SYCP2: variants seen among roughly 807,000 people sequenced by gnomAD.
The protein encoded by SYCP2 is synaptonemal complex protein 2.
SYCP2 carries 55 observed loss-of-function variants against 211.3 expected under a neutral mutation model. That is an observed-to-expected ratio of 0.26 (90% confidence interval 0.21 to 0.33). The LOEUF is 0.33. SYCP2 is among the 10% of genes least tolerant of loss of function. The pLI is 1.00. For synonymous variants in SYCP2, 570 were observed against 555.2 expected, an observed-to-expected ratio of 1.03 and a Z score of -0.37; for missense variants, 1,731 against 1,752.0, an observed-to-expected ratio of 0.99 and a Z score of 0.21.
chr20:59,865,713 ATATAG>A (rs2059318374), intron 42 of SYCP2, 62 bp from the exon 43 acceptor site: 3 of 1,072,916 alleles, frequency 2.8e-6, no homozygotes, highest in Non-Finnish European at 3.8e-6. Context: ...GAGTGCTATA[ATATAG>A]TATATATAAT....
chr20:59,895,027 A>G (rs963417910), intron 20 of SYCP2, among the ~76,000 whole-genome samples: 4 of 152,030 alleles, frequency 2.6e-5, no homozygotes, highest in Non-Finnish European at 5.9e-5. Flanking sequence ...ACTGCATCCT[A>G]TATGTGTAAA....
intron 25 of SYCP2, 123 bp downstream of exon 25, chr20:59,886,584 C>A: frequency 3.2e-6 from 2 of 616,752 alleles, no homozygotes; most frequent in Non-Finnish European, 5.1e-6. Flanking sequence ...TATTAAGTAA[C>A]CATGTGTTTT....
At chr20:59,899,662 A>G (rs1457678689) in intron 18 of SYCP2, among the ~76,000 whole-genome samples, 1 of 152,178 alleles carries the variant, frequency 6.6e-6, no homozygotes, top group Admixed American at 6.6e-5. Flanking sequence ...GCTATCGACA[A>G]TGTCAAGTGT....
chr20:59,868,728 C>T, intron 37 of SYCP2, 107 bp downstream of exon 37: 4 of 1,262,072 alleles, frequency 3.2e-6, no homozygotes, highest in Non-Finnish European at 4.3e-6. Context: ...TTTCTTTTTA[C>T]ATTAAGTTGA....
intron 26 of SYCP2, chr20:59,885,074 G>GA (rs2059760421): frequency 6.6e-6 from 1 of 151,896 alleles, no homozygotes; most frequent in Admixed American, 6.6e-5. Context: ...AAAGGGAGAA[G>GA]AAAAAGAGAA....
intron 24 of SYCP2, among the ~76,000 whole-genome samples, chr20:59,889,986 G>C (rs1023518940): frequency 1.3e-5 from 2 of 151,968 alleles, no homozygotes; most frequent in African/African-American, 4.8e-5. Flanking sequence ...CGTTGTGGAA[G>C]ACAGTGATTC....
chr20:59,899,349 T>C (rs2060071691), intron 18 of SYCP2, among the ~76,000 whole-genome samples: 1 of 152,202 alleles, frequency 6.6e-6, no homozygotes, highest in South Asian at 2.1e-4. Flanking sequence ...TGTTTGAGCT[T>C]AGACTTCAGG....
chr20:59,929,477 A>G (rs1360217405), intron 2 of SYCP2, among the ~76,000 whole-genome samples: 8 of 152,332 alleles, frequency 5.3e-5, no homozygotes, highest in African/African-American at 1.9e-4. Flanking sequence ...TAATATCAAG[A>G]AACTGAAAAC....
At chr20:59,864,834 A>T (rs966745503) in intron 44 of SYCP2, among the ~76,000 whole-genome samples, 5 of 152,030 alleles carry the variant, frequency 3.3e-5, no homozygotes, top group African/African-American at 1.2e-4. Flanking sequence ...AGTGTACTTA[A>T]AAATGCCTTT....
chr20:59,914,464 A>G (rs2060394054), intron 10 of SYCP2, among the ~76,000 whole-genome samples: 1 of 151,986 alleles, frequency 6.6e-6, no homozygotes. Flanking sequence ...AACAGAAGAA[A>G]TAAGTAAAAT....
rs759051870 is a variant in SYCP2, at chr20:59,865,543, G to A, written c.4458+30C>T. 4.4e-6 allele frequency: 7 copies of A among 1,577,156 alleles called. No homozygotes were observed. In the South Asian group the frequency reaches 6.8e-5, roughly 15 times the overall value. On this transcript the variant is annotated intron_variant, in intron 43 of 44. Coordinates refer to ENST00000357552, the MANE Select transcript of SYCP2 (RefSeq NM_014258.4). ...ACAAATTCTTTTTGTAATCAAGAGA[G>A]GTAACCTATAAAAAGCATAAAATTT...
At position 59,892,380 on chromosome 20, in the gene SYCP2, TGAA is replaced by T. The variant is rs781715119; in HGVS notation, c.1971_1973del (p.Ser658del). 7.0e-6 allele frequency: 11 copies of T among 1,572,662 alleles called. No homozygotes were observed. Among genetic ancestry groups the T allele is most frequent in the Non-Finnish European group, 9.5e-6 (11 of 1,155,530 alleles). On this transcript the variant is annotated inframe_deletion, in exon 24 of 45. Transcript: ENST00000357552. ...TTCCTTCAGAATTATGATCAGATAT[TGAA>T]GAGGATGATTTTTGTTTAGTAAGTT...
chr20:59,886,481 T>G (rs2059791150), intron 25 of SYCP2, among the ~76,000 whole-genome samples: 1 of 152,042 alleles, frequency 6.6e-6, no homozygotes. Context: ...ATGTGTTTTT[T>G]GATCCTATAT....
At chr20:59,892,748 G>A (rs2059931171) in intron 22 of SYCP2, 47 bp from the exon 23 acceptor site, 8 of 1,534,542 alleles carry the variant, frequency 5.2e-6, no homozygotes, top group African/African-American at 1.4e-5. Context: ...ATTAGCCTGT[G>A]ACTTTAAGAC....
rs142833072 is a variant in SYCP2 at position 59,874,014 on chromosome 20, T to C, written c.3397A>G (p.Ile1133Val). 8.1e-6 allele frequency: 13 copies of C among 1,612,202 alleles called. No homozygotes were observed. Among genetic ancestry groups the C allele is most frequent in the Non-Finnish European group, 1.1e-5 (13 of 1,178,868 alleles). The change falls in exon 35 of 45, where the codon ATA becomes GTA. Residue 1133 changes from isoleucine (I) to valine (V), a missense_variant. Transcript: ENST00000357552. ...EKDFTQDYDC[I>V]TKSISPYPKT... is the part of the protein sequence containing the mutation. ...GGATAAGGTGATATAGATTTTGTTA[T>C]GCAGTCATAATCCTGAGTAAAATCC...
intron 24 of SYCP2, among the ~76,000 whole-genome samples, chr20:59,888,768 T>C (rs887118710): frequency 6.6e-6 from 1 of 152,030 alleles, no homozygotes; most frequent in Non-Finnish European, 1.5e-5. Context: ...ACAAAACTAC[T>C]GGAAGTAATA....
intron 4 of SYCP2, among the ~76,000 whole-genome samples, chr20:59,921,078 C>A (rs909022220): frequency 4.6e-5 from 7 of 151,426 alleles, no homozygotes; most frequent in African/African-American, 1.7e-4. Context: ...AATAGTAAAG[C>A]CCTTGTGAAC....
chr20:59,867,105 C>CGGGGGGGGGGGGGGGGGG (rs373444865), intron 39 of SYCP2, among the ~76,000 whole-genome samples: 2 of 3,468 alleles, frequency 5.8e-4, no homozygotes, highest in Admixed American at 4.9e-3. Context: ...AGACTGGGGG[C>CGGGGGGGGGGGGGGGGGG]GGGGGGGGGG....
intron 2 of SYCP2, 26 bp downstream of exon 2, chr20:59,932,036 A>G (rs1444918615): frequency 6.6e-6 from 1 of 152,180 alleles, no homozygotes; most frequent in Non-Finnish European, 1.5e-5. Context: ...CAGAATAATA[A>G]TGTTTCAAGA....
Sources: gnomAD v4.1 joint callset for allele counts (sites outside exome capture counted in the v4.1 genomes callset) on GRCh38, gnomAD v4.1.1 for gene constraint, MANE v1.5 for transcripts, NCBI Gene and HGNC (gene_info 2026-07-23, HGNC 2026-07-21) for gene names.